GALNTL6: variants seen among roughly 807,000 people sequenced by gnomAD.
GALNTL6 encodes polypeptide N-acetylgalactosaminyltransferase-like 6.
GALNTL6 carries 46 observed loss-of-function variants against 73.7 expected under a neutral mutation model. The observed-to-expected ratio is 0.62, with a 90% CI of 0.49 to 0.80. The LOEUF is 0.80. Ranked by LOEUF, GALNTL6 falls within the 30% of genes least tolerant of loss-of-function variation. GALNTL6 has a pLI of 0.00. For missense variants in GALNTL6, 604 were observed against 755.0 expected (o/e 0.80, Z 2.34); for synonymous variants, 259 against 263.7 (o/e 0.98, Z 0.17).
chr4:171,949,676 ATATAT>A (rs1248764207), intron 2 of GALNTL6, among the ~76,000 whole-genome samples: 1 of 152,206 alleles, frequency 6.6e-6, no homozygotes, highest in African/African-American at 2.4e-5. Flanking sequence ...CTAAGTAAAA[ATATAT>A]TATAAAAATG....
In GALNTL6 at chr4:173,031,632, G is replaced by C. The variant is rs569521241; in HGVS notation, c.1639-8301G>C. Among the ~76,000 whole-genome samples, 206 of 152,198 alleles carry C rather than the reference G, an allele frequency of 1.4e-3. 1 individual carries two copies. Among genetic ancestry groups the C allele is most frequent in the African/African-American group, 4.7e-3 (196 of 41,540 alleles). On this transcript the variant is annotated intron_variant, in intron 12 of 12. Coordinates refer to ENST00000506823, the MANE Select transcript of GALNTL6 (RefSeq NM_001034845.3). ...GGTTTAGGTAGGGAAAAAAAAAAGAGAGAGAGAGAGAAACTCTGGGTAGAA... is the reference window on the plus strand; with the variant it reads ...GGTTTAGGTAGGGAAAAAAAAAAGACAGAGAGAGAGAAACTCTGGGTAGAA...
intron 2 of GALNTL6, among the ~76,000 whole-genome samples, chr4:172,050,530 G>GA (rs988380917): frequency 6.6e-6 from 1 of 152,056 alleles, no homozygotes; most frequent in African/African-American, 2.4e-5. Context: ...GGCCCTTCAG[G>GA]AAAAAATGTA....
chr4:172,389,205 T>C (rs1409924403), intron 5 of GALNTL6, among the ~76,000 whole-genome samples: 1 of 152,022 alleles, frequency 6.6e-6, no homozygotes, highest in Non-Finnish European at 1.5e-5. Flanking sequence ...CTGACACATT[T>C]AGTAATAATT....
At chr4:172,082,373 C>G (rs894431783) in intron 2 of GALNTL6, among the ~76,000 whole-genome samples, 3 of 151,962 alleles carry the variant, frequency 2.0e-5, no homozygotes, top group Non-Finnish European at 4.4e-5. Flanking sequence ...TTTCAGAAAT[C>G]CAAAAGGGAA....
chr4:172,315,031 C>T (rs993557614), intron 4 of GALNTL6, among the ~76,000 whole-genome samples: 24 of 152,098 alleles, frequency 1.6e-4, no homozygotes, highest in African/African-American at 4.1e-4. Flanking sequence ...GAGCCATAGA[C>T]GAAGGACAGT....
intron 5 of GALNTL6, among the ~76,000 whole-genome samples, chr4:172,532,938 G>A (rs535298046): frequency 6.6e-6 from 1 of 152,092 alleles, no homozygotes; most frequent in African/African-American, 2.4e-5. Context: ...AGAAAAAACA[G>A]TCTTGAAAGC....
chr4:172,866,269 T>C (rs1744657654), intron 7 of GALNTL6, among the ~76,000 whole-genome samples: 1 of 152,086 alleles, frequency 6.6e-6, no homozygotes, highest in Non-Finnish European at 1.5e-5. Context: ...TCTGGGATGG[T>C]GTGTGTGAGT....
chr4:172,720,825 C>T (rs1199914094), intron 5 of GALNTL6, among the ~76,000 whole-genome samples: 1 of 152,176 alleles, frequency 6.6e-6, no homozygotes, highest in Non-Finnish European at 1.5e-5. Context: ...ACTTATTCTA[C>T]CTTTCTTATC....
rs561240686 is a variant in GALNTL6, at chr4:171,906,821, G to A, written c.138+92103G>A. Among the ~76,000 whole-genome samples the A allele has an allele frequency of 1.3e-3, 204 of 152,218 alleles. 1 individual carries two copies. The highest frequency in any genetic ancestry group is 4.7e-3 in the African/African-American group (195 of 41,490). Reference sequence around the variant, plus strand: ...ATCATCAAGTGGGCTTCATCCCTGGGATGCAAGGCTGGTTCAATATACACA... The same window carrying A: ...ATCATCAAGTGGGCTTCATCCCTGGAATGCAAGGCTGGTTCAATATACACA... On this transcript the variant is annotated intron_variant, in intron 2 of 12. Coordinates refer to ENST00000506823, the MANE Select transcript of GALNTL6 (RefSeq NM_001034845.3).
intron 3 of GALNTL6, among the ~76,000 whole-genome samples, chr4:172,276,050 T>C (rs1252322291): frequency 6.6e-6 from 1 of 152,216 alleles, no homozygotes; most frequent in East Asian, 1.9e-4. Context: ...ATTTTTAAAC[T>C]TCTTTATCTT....
intron 2 of GALNTL6, among the ~76,000 whole-genome samples, chr4:172,212,698 G>A (rs777085653): frequency 7.9e-5 from 12 of 151,448 alleles, no homozygotes; most frequent in South Asian, 4.2e-4. Context: ...ATGGAGTTTC[G>A]CTCTTGTTGC....
chr4:173,007,571 C>T (rs550455590), intron 10 of GALNTL6, among the ~76,000 whole-genome samples: 2 of 152,250 alleles, frequency 1.3e-5, no homozygotes, highest in East Asian at 3.9e-4. Flanking sequence ...CTTTGGGAGG[C>T]CGAGGCAGGT....
chr4:172,295,214 G>A (rs1303457584), intron 3 of GALNTL6, among the ~76,000 whole-genome samples: 5 of 152,046 alleles, frequency 3.3e-5, no homozygotes, highest in African/African-American at 1.2e-4. Context: ...CTGAGGTCAG[G>A]AGTTCAAGAC....
chr4:172,194,970 CT>C (rs1315801219), intron 2 of GALNTL6, among the ~76,000 whole-genome samples: 1 of 152,010 alleles, frequency 6.6e-6, no homozygotes, highest in African/African-American at 2.4e-5. Flanking sequence ...TGAAAATGCA[CT>C]AAATACCCCA....
rs34523518 is a variant in GALNTL6, at chr4:172,745,446, T to TATATATACACAC, written c.554-63914_554-63913insTATATACACACA. On this transcript the variant is annotated intron_variant, in intron 5 of 12. Transcript: ENST00000506823. ...TTTTCAAAACATATATATATATATG[T>TATATATACACAC]ACACATAACTTTTATAATTAGAAAA... Among the ~76,000 whole-genome samples the TATATATACACAC allele has an allele frequency of 7.3e-3, 1,056 of 145,262 alleles. 26 individuals carry two copies. The highest frequency in any genetic ancestry group is 0.025 in the African/African-American group (939 of 38,064).
In GALNTL6 at chr4:171,932,810, A is replaced by G. The variant is rs17057568; in HGVS notation, c.138+118092A>G. Among the ~76,000 whole-genome samples, 2,515 of 152,306 alleles carry G rather than the reference A, an allele frequency of 0.017. 124 individuals are homozygous for G. The East Asian group carries it at 0.2, about 12-fold the overall frequency. On this transcript the variant is annotated intron_variant, in intron 2 of 12. Transcript: ENST00000506823. ...CCTTATTTTATACATAGCAACACAA[A>G]TGTCCAGAATAGATGAATAAATTGC...
chr4:172,462,030 G>A (rs112776499), intron 5 of GALNTL6, among the ~76,000 whole-genome samples: 2 of 152,092 alleles, frequency 1.3e-5, no homozygotes, highest in Admixed American at 6.6e-5. Context: ...CTCTCTCCTT[G>A]ACCTGAGACA....
intron 2 of GALNTL6, among the ~76,000 whole-genome samples, chr4:172,198,962 C>T (rs747719324): frequency 6.6e-6 from 1 of 152,152 alleles, no homozygotes; most frequent in African/African-American, 2.4e-5. Context: ...TTAGATATCA[C>T]TTCCTCCAGG....
At chr4:172,217,721 A>T (rs1736540511) in intron 2 of GALNTL6, among the ~76,000 whole-genome samples, 1 of 152,142 alleles carries the variant, frequency 6.6e-6, no homozygotes, top group Non-Finnish European at 1.5e-5. Context: ...CTTTAAATTC[A>T]CTGCCCACTC....
Sources: allele counts gnomAD v4.1 joint callset (sites outside exome capture counted in the v4.1 genomes callset), GRCh38; gene constraint gnomAD v4.1.1; transcripts MANE v1.5; gene names NCBI Gene and HGNC (gene_info 2026-07-23, HGNC 2026-07-21).